Variants in NRG3 observed in about 807,000 individuals in gnomAD.
The protein encoded by NRG3 is pro-neuregulin-3, membrane-bound isoform.
In NRG3, 31 loss-of-function variants were observed where a neutral mutation model predicts 66.9. The observed-to-expected ratio is 0.46, with a 90% CI of 0.35 to 0.63. The LOEUF (loss-of-function observed/expected upper bound fraction) is 0.63. Ranked by LOEUF, NRG3 falls within the 20% of genes least tolerant of loss-of-function variation. The probability of loss-of-function intolerance (pLI) is 0.00; values close to 1 mark genes in which losing one functional copy is unlikely to be tolerated. For missense variants in NRG3, 910 were observed against 878.9 expected (o/e 1.04, Z -0.45); for synonymous variants, 393 against 359.4 (o/e 1.09, Z -1.06).
chr10:82,100,543 T>C (rs770405387), intron 1 of NRG3, among the ~76,000 whole-genome samples: 3 of 152,154 alleles, frequency 2.0e-5, no homozygotes, highest in Non-Finnish European at 4.4e-5. Flanking sequence ...GTGAGTTGCA[T>C]GATCAGGTTA....
At chr10:82,068,195 C>T (rs2133300223) in intron 1 of NRG3, among the ~76,000 whole-genome samples, 1 of 152,320 alleles carries the variant, frequency 6.6e-6, no homozygotes, top group African/African-American at 2.4e-5. Context: ...GCAGGAACAA[C>T]TACTGCAGCT....
At chr10:82,167,965 T>C (rs2072231711) in intron 1 of NRG3, among the ~76,000 whole-genome samples, 1 of 151,988 alleles carries the variant, frequency 6.6e-6, no homozygotes, top group South Asian at 2.1e-4. Context: ...TTTATATTGC[T>C]AAAGTAGCCC....
chr10:82,924,935 G>A (rs1454459335), intron 4 of NRG3, among the ~76,000 whole-genome samples: 1 of 152,166 alleles, frequency 6.6e-6, no homozygotes, highest in African/African-American at 2.4e-5. Context: ...ATACTTTCCA[G>A]ATCACCAGAG....
chr10:82,959,450 C>G (rs1048407853), intron 6 of NRG3, among the ~76,000 whole-genome samples: 5 of 152,054 alleles, frequency 3.3e-5, no homozygotes, highest in Non-Finnish European at 1.5e-5. Flanking sequence ...AACACAAAAA[C>G]CCCCAGAATC....
chr10:82,515,223 C>A (rs1386459839), intron 2 of NRG3, among the ~76,000 whole-genome samples: 5 of 152,024 alleles, frequency 3.3e-5, no homozygotes, highest in Admixed American at 6.6e-5. Context: ...TGTAACAGAA[C>A]AAAACAAAAG....
At chr10:82,505,010 G>T (rs1844540684) in intron 2 of NRG3, among the ~76,000 whole-genome samples, 1 of 152,152 alleles carries the variant, frequency 6.6e-6, no homozygotes, top group Admixed American at 6.5e-5. Flanking sequence ...TGGGCCAAGA[G>T]ATAATTTACT....
intron 2 of NRG3, among the ~76,000 whole-genome samples, chr10:82,395,733 C>T (rs896821499): frequency 6.6e-6 from 1 of 152,090 alleles, no homozygotes; most frequent in South Asian, 2.1e-4. Context: ...CATTCATCCA[C>T]TTATGAATCC....
At chr10:82,764,268 C>T (rs1334566732) in intron 3 of NRG3, among the ~76,000 whole-genome samples, 2 of 152,090 alleles carry the variant, frequency 1.3e-5, no homozygotes, top group Non-Finnish European at 2.9e-5. Flanking sequence ...CTCGTAGCCT[C>T]AAGTGATCTG....
intron 1 of NRG3, among the ~76,000 whole-genome samples, chr10:81,893,396 G>A (rs970919481): frequency 9.9e-5 from 15 of 151,894 alleles, no homozygotes; most frequent in African/African-American, 3.1e-4. Flanking sequence ...CTTCGAGTTC[G>A]TCATTATTAT....
chr10:82,070,288 T>C (rs576941845), intron 1 of NRG3, among the ~76,000 whole-genome samples: 1 of 151,972 alleles, frequency 6.6e-6, no homozygotes, highest in African/African-American at 2.4e-5. Context: ...AATGAGTCAA[T>C]TGAGTTCATG....
At chr10:82,580,901 TTGTGTGTGTGTGTGTG>T (rs56906298) in intron 2 of NRG3, among the ~76,000 whole-genome samples, 2 of 147,210 alleles carry the variant, frequency 1.4e-5, no homozygotes, top group Non-Finnish European at 3.0e-5. Context: ...GTTTGTAAGT[TTGTGTGTGTGTGTGTG>T]TGTGTGTGTG....
chr10:82,100,162 G>A (rs189855706), intron 1 of NRG3, among the ~76,000 whole-genome samples: 152 of 152,080 alleles, frequency 1.0e-3, no homozygotes, highest in African/African-American at 3.4e-3. Flanking sequence ...TAATGGAATA[G>A]TAAATGTTGC....
chr10:82,610,253 G>C (rs928294425), intron 2 of NRG3, among the ~76,000 whole-genome samples: 1 of 152,192 alleles, frequency 6.6e-6, no homozygotes, highest in East Asian at 1.9e-4. Context: ...ATTGGGACAA[G>C]CTGGACAAAC....
intron 1 of NRG3, among the ~76,000 whole-genome samples, chr10:82,061,866 CACACAA>C (rs773589012): frequency 5.6e-5 from 8 of 143,014 alleles, no homozygotes; most frequent in South Asian, 2.1e-4. Flanking sequence ...CTCTCTCACA[CACACAA>C]ACACACACAC....
At chr10:82,749,263 CT>C in intron 3 of NRG3, among the ~76,000 whole-genome samples, 1 of 152,000 alleles carries the variant, frequency 6.6e-6, no homozygotes, top group South Asian at 2.1e-4. Context: ...GAGACCTCCA[CT>C]CTGCTCATAG....
At chr10:82,134,222 T>A (rs1030145274) in intron 1 of NRG3, among the ~76,000 whole-genome samples, 2 of 152,214 alleles carry the variant, frequency 1.3e-5, no homozygotes, top group African/African-American at 4.8e-5. Flanking sequence ...TCTTGTTTAC[T>A]CTGTTGAAAG....
At chr10:82,502,636 C>T (rs565954858) in intron 2 of NRG3, among the ~76,000 whole-genome samples, 164 of 152,302 alleles carry the variant, frequency 1.1e-3, no homozygotes, top group African/African-American at 3.8e-3. Context: ...CTGTCACCTA[C>T]TTTTTAAGTG....
intron 2 of NRG3, among the ~76,000 whole-genome samples, chr10:82,451,443 C>A (rs2091013761): frequency 6.6e-6 from 1 of 152,104 alleles, no homozygotes; most frequent in Non-Finnish European, 1.5e-5. Flanking sequence ...AGGGAGAATT[C>A]ATGTAGGTAA....
At chr10:82,427,836 C>A (rs932694654) in intron 2 of NRG3, among the ~76,000 whole-genome samples, 10 of 151,884 alleles carry the variant, frequency 6.6e-5, no homozygotes, top group African/African-American at 2.4e-4. Context: ...GTCATCTGGG[C>A]TTGGTCTTTT....
Sources: allele counts gnomAD v4.1 joint callset (sites outside exome capture counted in the v4.1 genomes callset), GRCh38; gene constraint gnomAD v4.1.1; transcripts MANE v1.5; gene names NCBI Gene and HGNC (gene_info 2026-07-23, HGNC 2026-07-21).